The following SLC39A11 variants were observed in gnomAD, a reference collection of about 807,000 sequenced individuals.
The protein encoded by SLC39A11 is zinc transporter ZIP11.
In SLC39A11, 33 loss-of-function variants were observed where a neutral mutation model predicts 36.1. The ratio of observed to expected loss-of-function variants is 0.91; its 90% CI spans 0.69 to 1.22. The LOEUF is 1.22. SLC39A11 is among the 50% of genes most tolerant of loss of function. The probability of loss-of-function intolerance (pLI) is 0.00; values close to 1 mark genes in which losing one functional copy is unlikely to be tolerated. For synonymous variants in SLC39A11, 166 were observed against 170.3 expected (o/e 0.97, Z 0.20); for missense variants, 432 against 430.3 (o/e 1.00, Z -0.03).
intron 5 of SLC39A11, among the ~76,000 whole-genome samples, chr17:72,936,354 T>C (rs2084750468): frequency 6.7e-6 from 1 of 149,858 alleles, no homozygotes; most frequent in African/African-American, 2.5e-5. Flanking sequence ...CATCCTTGTT[T>C]TGGTGAGACC....
intron 4 of SLC39A11, among the ~76,000 whole-genome samples, chr17:72,952,657 T>C (rs1198678301): frequency 1.3e-5 from 2 of 152,238 alleles, no homozygotes; most frequent in Non-Finnish European, 2.9e-5. Flanking sequence ...TATTGTTGTT[T>C]ACATTTCTGG....
chr17:73,035,062 A>G (rs529600207), intron 3 of SLC39A11, among the ~76,000 whole-genome samples: 1 of 152,368 alleles, frequency 6.6e-6, no homozygotes, highest in East Asian at 1.9e-4. Context: ...AAACCACCAA[A>G]GAACAATCGG....
At position 72,916,524 on chromosome 17, in the gene SLC39A11, C is replaced by A. The variant is rs545739111; in HGVS notation, c.430+31228G>T. 5.3e-5 allele frequency among the ~76,000 whole-genome samples: 8 copies of A among 152,194 alleles called. No homozygotes were observed. In the South Asian group the frequency reaches 1.7e-3, roughly 32 times the overall value. The stretch of plus-strand genomic sequence containing the variant: ...AGCTGTTACCATGGCAGCAGCTGGG[C>A]ACTGCTGCCACTTTTCCAGGATGTC... On this transcript the variant is annotated intron_variant, in intron 5 of 9. Coordinates refer to ENST00000255559, the MANE Select transcript of SLC39A11 (RefSeq NM_139177.4).
intron 7 of SLC39A11, among the ~76,000 whole-genome samples, chr17:72,660,026 A>C (rs2144004831): frequency 6.6e-6 from 1 of 152,216 alleles, no homozygotes; most frequent in East Asian, 1.9e-4. Flanking sequence ...GGGTCCCTAT[A>C]CTATCTTTGG....
chr17:73,063,968 AT>A (rs956848083), intron 3 of SLC39A11, among the ~76,000 whole-genome samples: 1 of 152,040 alleles, frequency 6.6e-6, no homozygotes, highest in African/African-American at 2.4e-5. Flanking sequence ...CAGGTATCTA[AT>A]TTTTCCACAC....
At chr17:72,919,410 G>C (rs943123291) in intron 5 of SLC39A11, among the ~76,000 whole-genome samples, 1 of 152,092 alleles carries the variant, frequency 6.6e-6, no homozygotes, top group African/African-American at 2.4e-5. Context: ...TTGGACCACA[G>C]CAACAACGAT....
intron 5 of SLC39A11, among the ~76,000 whole-genome samples, chr17:72,913,068 G>C (rs1346185084): frequency 6.6e-6 from 1 of 152,014 alleles, no homozygotes; most frequent in Non-Finnish European, 1.5e-5. Flanking sequence ...AAAAAGTCCT[G>C]ATTTATACTC....
At chr17:72,877,351 C>T (rs371784965) in intron 5 of SLC39A11, among the ~76,000 whole-genome samples, 1 of 152,190 alleles carries the variant, frequency 6.6e-6, no homozygotes, top group East Asian at 1.9e-4. Flanking sequence ...TAGTAATTCA[C>T]AAGGCAAAAT....
At chr17:73,028,271 T>C (rs1018605764) in intron 4 of SLC39A11, among the ~76,000 whole-genome samples, 10 of 152,166 alleles carry the variant, frequency 6.6e-5, no homozygotes, top group African/African-American at 2.2e-4. Flanking sequence ...TGTTAGACTA[T>C]AAACGCGTGG....
intron 6 of SLC39A11, among the ~76,000 whole-genome samples, chr17:72,802,014 T>C (rs1035302896): frequency 3.3e-5 from 5 of 152,250 alleles, no homozygotes; most frequent in East Asian, 1.9e-4. Flanking sequence ...GTAGAATCAC[T>C]GTGAAGATGG....
At chr17:72,961,846 C>T (rs1348835050) in intron 4 of SLC39A11, among the ~76,000 whole-genome samples, 2 of 152,056 alleles carry the variant, frequency 1.3e-5, no homozygotes, top group Non-Finnish European at 2.9e-5. Context: ...ATGTATCAAA[C>T]CTGCACATTG....
At chr17:72,935,788 T>C (rs564005659) in intron 5 of SLC39A11, among the ~76,000 whole-genome samples, 1 of 152,122 alleles carries the variant, frequency 6.6e-6, no homozygotes, top group South Asian at 2.1e-4. Context: ...TTTCACCATG[T>C]TGGCCAGGCT....
intron 5 of SLC39A11, among the ~76,000 whole-genome samples, chr17:72,925,159 T>A (rs118036787): frequency 0.031 from 4,678 of 152,224 alleles, 106 homozygotes; most frequent in Non-Finnish European, 0.047. Context: ...GAAATACAAG[T>A]GCTCACTGGG....
chr17:72,924,033 G>A (rs1287176045), intron 5 of SLC39A11, among the ~76,000 whole-genome samples: 1 of 151,474 alleles, frequency 6.6e-6, no homozygotes, highest in Non-Finnish European at 1.5e-5. Context: ...TGTAATCCCA[G>A]GTACTAGGGA....
At chr17:72,717,028 TAC>T (rs1567979028) in intron 7 of SLC39A11, among the ~76,000 whole-genome samples, 1 of 139,456 alleles carries the variant, frequency 7.2e-6, no homozygotes, top group African/African-American at 2.9e-5. Context: ...CACACACATA[TAC>T]ACATATAAAA....
intron 3 of SLC39A11, among the ~76,000 whole-genome samples, chr17:73,079,576 G>C (rs377761598): frequency 6.6e-6 from 1 of 152,122 alleles, no homozygotes; most frequent in Admixed American, 6.5e-5. Context: ...TTCCCCCTGG[G>C]AAATGGAACA....
At chr17:72,863,872 GCCT>G (rs1379301313) in intron 5 of SLC39A11, among the ~76,000 whole-genome samples, 4 of 152,126 alleles carry the variant, frequency 2.6e-5, no homozygotes, top group Non-Finnish European at 4.4e-5. Context: ...ATTTTCTCCT[GCCT>G]CCTTTTTCCC....
chr17:73,043,661 G>A (rs2059179995), intron 3 of SLC39A11, among the ~76,000 whole-genome samples: 1 of 152,140 alleles, frequency 6.6e-6, no homozygotes, highest in African/African-American at 2.4e-5. Flanking sequence ...CAGCTGTTGG[G>A]CTCTGGACAT....
intron 6 of SLC39A11, among the ~76,000 whole-genome samples, chr17:72,832,669 A>G: frequency 6.6e-6 from 1 of 152,216 alleles, no homozygotes; most frequent in East Asian, 1.9e-4. Context: ...TCAGAATCCA[A>G]CCTTGGTTAA....
Sources: allele counts gnomAD v4.1 joint callset (sites outside exome capture counted in the v4.1 genomes callset), GRCh38; gene constraint gnomAD v4.1.1; transcripts MANE v1.5; gene names NCBI Gene and HGNC (gene_info 2026-07-23, HGNC 2026-07-21).